The following RBFOX1 variants were observed in gnomAD, a reference collection of about 807,000 sequenced individuals.
RBFOX1 encodes the protein RNA binding fox-1 homolog 1.
In RBFOX1, 8 loss-of-function variants were observed where a neutral mutation model predicts 57.7. The ratio of observed to expected loss-of-function variants is 0.14; its 90% CI spans 0.08 to 0.25. The LOEUF is 0.25. Ranked by LOEUF, RBFOX1 falls within the 10% of genes least tolerant of loss-of-function variation. The pLI, the probability that RBFOX1 is intolerant of heterozygous loss-of-function variation, is 1.00. For missense variants in RBFOX1, 611 were observed against 548.5 expected (o/e 1.11, Z -1.14); for synonymous variants, 326 against 222.4 (o/e 1.47, Z -4.15).
intron 4 of RBFOX1, among the ~76,000 whole-genome samples, chr16:7,394,073 G>A (rs1330550953): frequency 1.3e-5 from 2 of 151,432 alleles, no homozygotes; most frequent in Admixed American, 6.6e-5. Context: ...CCATCTCTAC[G>A]AAAAATACCA....
At chr16:7,319,307 T>C (rs986061012) in intron 4 of RBFOX1, among the ~76,000 whole-genome samples, 2 of 152,272 alleles carry the variant, frequency 1.3e-5, no homozygotes, top group South Asian at 4.1e-4. Context: ...AAATATTTAA[T>C]GGAATGCTGA....
chr16:7,697,593 CGA>C (rs1278660211), intron 14 of RBFOX1, among the ~76,000 whole-genome samples: 1 of 152,116 alleles, frequency 6.6e-6, no homozygotes, highest in East Asian at 1.9e-4. Flanking sequence ...AGTAGTTCAA[CGA>C]GGTGTTATCC....
At chr16:5,891,973 G>A (rs1358773840) in intron 4 of RBFOX1, among the ~76,000 whole-genome samples, 1 of 152,188 alleles carries the variant, frequency 6.6e-6, no homozygotes, top group South Asian at 2.1e-4. Flanking sequence ...CTCACTTACT[G>A]CCCTCTCTGT....
intron 4 of RBFOX1, among the ~76,000 whole-genome samples, chr16:7,327,385 T>C (rs573206750): frequency 1.6e-4 from 24 of 152,324 alleles, no homozygotes; most frequent in African/African-American, 5.1e-4. Context: ...AGGAATATTA[T>C]GAAGGGCCTC....
At chr16:5,309,787 G>A (rs572380493) in intron 1 of RBFOX1, among the ~76,000 whole-genome samples, 3 of 152,150 alleles carry the variant, frequency 2.0e-5, no homozygotes, top group African/African-American at 7.2e-5. Context: ...AAACTATACC[G>A]TAAGTGTATA....
chr16:6,314,657 G>C (rs1248039050), intron 1 of RBFOX1, among the ~76,000 whole-genome samples: 2 of 146,692 alleles, frequency 1.4e-5, no homozygotes, highest in African/African-American at 4.9e-5. Context: ...GAAGTGACAG[G>C]AAAGAGGGGG....
At chr16:5,578,995 G>C (rs2046567712) in intron 2 of RBFOX1, among the ~76,000 whole-genome samples, 1 of 151,830 alleles carries the variant, frequency 6.6e-6, no homozygotes, top group South Asian at 2.1e-4. Context: ...CTACAGGCTT[G>C]TACCATCACG....
chr16:6,305,601 A>T (rs1013403662), intron 1 of RBFOX1, among the ~76,000 whole-genome samples: 1 of 148,600 alleles, frequency 6.7e-6, no homozygotes, highest in African/African-American at 2.5e-5. Flanking sequence ...CTTCAATATG[A>T]CTCAAGTAGG....
At chr16:5,245,973 G>A (rs894905361) in intron 1 of RBFOX1, among the ~76,000 whole-genome samples, 30 of 152,228 alleles carry the variant, frequency 2.0e-4, no homozygotes, top group African/African-American at 7.2e-4. Flanking sequence ...GCCGGGCCCA[G>A]TGGCTCACAC....
intron 1 of RBFOX1, among the ~76,000 whole-genome samples, chr16:5,401,072 T>G (rs1039287714): frequency 6.6e-6 from 1 of 152,172 alleles, no homozygotes; most frequent in Non-Finnish European, 1.5e-5. Context: ...TTTTAAAAAT[T>G]TTAAGGTCAT....
chr16:6,060,757 C>A (rs2095675151), intron 1 of RBFOX1, among the ~76,000 whole-genome samples: 1 of 152,128 alleles, frequency 6.6e-6, no homozygotes, highest in Non-Finnish European at 1.5e-5. Flanking sequence ...GTCATAGAAC[C>A]CAAGAGGAGG....
intron 2 of RBFOX1, among the ~76,000 whole-genome samples, chr16:6,518,260 A>T (rs12596207): frequency 0.46 from 69,265 of 152,028 alleles, 19,008 homozygotes; most frequent in East Asian, 0.74. Context: ...TTTAAGAAAC[A>T]AACATTAGTT....
rs2090424330 is a variant in RBFOX1, at chr16:6,986,947, C to T, written c.-15-65110C>T. Among the ~76,000 whole-genome samples the T allele has an allele frequency of 2.6e-5, 4 of 152,196 alleles. No homozygotes were observed. In the South Asian group the frequency reaches 8.3e-4, roughly 32 times the overall value. On this transcript the variant is annotated intron_variant, in intron 3 of 15. Coordinates refer to ENST00000550418, the MANE Select transcript of RBFOX1 (RefSeq NM_018723.4). ...CTTGCTCACCTGCCCACCCCGCCTG[C>T]ATTCCCTACCCATGCTTTCGAATGC...
chr16:6,798,813 A>T (rs2154254833), intron 3 of RBFOX1, among the ~76,000 whole-genome samples: 2 of 152,294 alleles, frequency 1.3e-5, no homozygotes, highest in East Asian at 3.9e-4. Flanking sequence ...AGCATCTGTG[A>T]TTAGATTGTG....
At chr16:7,230,166 T>C (rs1039383671) in intron 4 of RBFOX1, among the ~76,000 whole-genome samples, 4 of 151,248 alleles carry the variant, frequency 2.6e-5, no homozygotes, top group African/African-American at 4.9e-5. Context: ...TGCGTTCGTT[T>C]ACTCATTTCA....
chr16:5,909,508 C>G (rs1401016608), intron 4 of RBFOX1, among the ~76,000 whole-genome samples: 1 of 152,224 alleles, frequency 6.6e-6, no homozygotes, highest in Non-Finnish European at 1.5e-5. Context: ...TCTTCAGCAC[C>G]TCCACCATCA....
At chr16:6,914,586 G>T (rs927085864) in intron 3 of RBFOX1, among the ~76,000 whole-genome samples, 1 of 151,998 alleles carries the variant, frequency 6.6e-6, no homozygotes, top group Non-Finnish European at 1.5e-5. Context: ...CCAAAACAGG[G>T]ATCAAGGCCA....
At chr16:6,008,817 A>G (rs2094942643) in intron 4 of RBFOX1, among the ~76,000 whole-genome samples, 1 of 152,210 alleles carries the variant, frequency 6.6e-6, no homozygotes, top group Non-Finnish European at 1.5e-5. Context: ...TCCAGGAAAA[A>G]TGTGGTTGCT....
intron 1 of RBFOX1, among the ~76,000 whole-genome samples, chr16:6,310,241 A>T (rs558492556): frequency 4.1e-4 from 62 of 152,134 alleles, no homozygotes; most frequent in Non-Finnish European, 7.9e-4. Context: ...AGCGGATACA[A>T]TTGTATTTCA....
Sources: gnomAD v4.1 joint callset for allele counts (sites outside exome capture counted in the v4.1 genomes callset) on GRCh38, gnomAD v4.1.1 for gene constraint, MANE v1.5 for transcripts, NCBI Gene and HGNC (gene_info 2026-07-23, HGNC 2026-07-21) for gene names.